Variants in PPP1R12A observed in about 807,000 individuals in gnomAD.
PPP1R12A encodes myosin binding subunit.
Under a neutral mutation model 139.6 loss-of-function variants are expected in PPP1R12A, and 19 were observed. The ratio of observed to expected loss-of-function variants is 0.14; its 90% CI spans 0.09 to 0.20. The LOEUF is 0.20. PPP1R12A is among the 10% of genes least tolerant of loss of function. The probability of loss-of-function intolerance (pLI) is 1.00; values close to 1 mark genes in which losing one functional copy is unlikely to be tolerated. For synonymous variants in PPP1R12A, 427 were observed against 420.6 expected, an observed-to-expected ratio of 1.02 and a Z score of -0.19; for missense variants, 925 against 1,211.5, an observed-to-expected ratio of 0.76 and a Z score of 3.51.
intron 1 of PPP1R12A, among the ~76,000 whole-genome samples, chr12:79,890,886 A>ACCAC (rs1275878680): frequency 1.7e-5 from 2 of 115,130 alleles, no homozygotes; most frequent in East Asian, 4.8e-4. Flanking sequence ...ATACACACAC[A>ACCAC]CCACCCACCC....
At chr12:79,777,345 C>A (rs1869861481) in intron 24 of PPP1R12A, 2 of 980,182 alleles carry the variant, frequency 2.0e-6, no homozygotes, top group African/African-American at 3.5e-5. Context: ...TCATCAATTG[C>A]AATATACAAT....
At chr12:79,903,278 C>T (rs1885807397) in intron 1 of PPP1R12A, among the ~76,000 whole-genome samples, 1 of 151,948 alleles carries the variant, frequency 6.6e-6, no homozygotes, top group African/African-American at 2.4e-5. Context: ...TTGTGAAACC[C>T]CATCTCTACT....
chr12:79,865,312 C>T (rs192181215), intron 2 of PPP1R12A, among the ~76,000 whole-genome samples: 88 of 152,246 alleles, frequency 5.8e-4, no homozygotes, highest in African/African-American at 1.7e-3. Flanking sequence ...ATCGATGGAA[C>T]GTATCTCAAA....
chr12:79,877,719 C>T (rs1163754443), intron 1 of PPP1R12A, among the ~76,000 whole-genome samples: 4 of 152,094 alleles, frequency 2.6e-5, no homozygotes, highest in African/African-American at 9.7e-5. Context: ...TTTCAACATG[C>T]TGGCCCGGCT....
chr12:79,924,522 G>A (rs1887683241), intron 1 of PPP1R12A, among the ~76,000 whole-genome samples: 1 of 152,034 alleles, frequency 6.6e-6, no homozygotes, highest in Admixed American at 6.6e-5. Context: ...CCAACCTCCT[G>A]GGCTCAAGCA....
In PPP1R12A at chr12:79,934,981, G is replaced by A. The variant is rs1381944068; in HGVS notation, c.-50C>T. ...TTATCGCGAGGGGGGGAAGGGGGAG[G>A]CGGAGAGGGAAGAGAGGGGAGGCAG... On this transcript the variant is annotated 5_prime_UTR_variant, in exon 1 of 25. Coordinates refer to ENST00000450142, the MANE Select transcript of PPP1R12A (RefSeq NM_002480.3). The A allele has an allele frequency of 2.6e-6, 4 of 1,530,452 alleles. No individual in the cohort carries two copies. The African/African-American group carries it at 4.1e-5, about 16-fold the overall frequency. The allele number at this position is 1,530,452 out of a possible 1,614,324, so 94.8% of individuals were successfully genotyped here.
chr12:79,857,912 A>G (rs1880873465), intron 2 of PPP1R12A, among the ~76,000 whole-genome samples: 1 of 152,214 alleles, frequency 6.6e-6, no homozygotes, highest in South Asian at 2.1e-4. Flanking sequence ...GAACATTCCC[A>G]TAAATTTCCA....
chr12:79,826,589 G>A (rs2137133043), intron 5 of PPP1R12A, among the ~76,000 whole-genome samples: 1 of 152,140 alleles, frequency 6.6e-6, no homozygotes, highest in Non-Finnish European at 1.5e-5. Context: ...GACATAAGGA[G>A]CTGCTACTAT....
rs2137139851 is a variant in PPP1R12A at position 79,828,322 on chromosome 12, C to T, written c.790G>A (p.Val264Met). The T allele has an allele frequency of 6.2e-7, 1 of 1,607,104 alleles. No homozygotes were observed. Among genetic ancestry groups the T allele is most frequent in the East Asian group, 2.2e-5 (1 of 44,738 alleles). Residue 264 changes from valine to methionine, a missense_variant and splice_region_variant, in exon 5 of 25, where the codon GTG (valine) becomes ATG (methionine). This residue lies in a region of PPP1R12A where 199 missense variants were observed against 352.4 expected (regional missense o/e 0.56). Coordinates refer to ENST00000450142, the MANE Select transcript of PPP1R12A (RefSeq NM_002480.3). ...TAAAATACGTTTAAAACGCCTACCA[C>T]TTTGTTGACCATCTCCATATCACAC... is the stretch of plus-strand genomic sequence containing the variant. ...NLCDMEMVNK[V>M]GQTAFDVADE...
chr12:79,890,950 C>A (rs1884580505), intron 1 of PPP1R12A, among the ~76,000 whole-genome samples: 1 of 136,184 alleles, frequency 7.3e-6, no homozygotes, highest in African/African-American at 2.5e-5. Flanking sequence ...CACATTCACT[C>A]ACTCTCTCTC....
chr12:79,801,754 C>G (rs964643455), intron 14 of PPP1R12A, among the ~76,000 whole-genome samples: 1 of 152,158 alleles, frequency 6.6e-6, no homozygotes, highest in Non-Finnish European at 1.5e-5. Flanking sequence ...ATTTCTCACG[C>G]AAGATCTTAG....
At chr12:79,903,395 G>A (rs1307886837) in intron 1 of PPP1R12A, among the ~76,000 whole-genome samples, 1 of 150,994 alleles carries the variant, frequency 6.6e-6, no homozygotes, top group Non-Finnish European at 1.5e-5. Context: ...ATGTTGCAGT[G>A]AGCTGAGATC....
At position 79,837,720 on chromosome 12, in the gene PPP1R12A, T is replaced by C. The variant is rs73138637; in HGVS notation, c.488-5229A>G. Among the ~76,000 whole-genome samples, 1,176 of 152,304 alleles carry C rather than the reference T, an allele frequency of 7.7e-3. 1 individual carries two copies. Among genetic ancestry groups the C allele is most frequent in the Non-Finnish European group, 0.013 (869 of 68,026 alleles). On this transcript the variant is annotated intron_variant, in intron 3 of 24. Transcript: ENST00000450142. ...AAGATCTTATGGTTTAAGAGGCTTT[T>C]TCCTCTTTGTTCAGCATGTCTCTCT...
chr12:79,814,696 A>G (rs1875088486), intron 9 of PPP1R12A, among the ~76,000 whole-genome samples: 1 of 146,056 alleles, frequency 6.8e-6, no homozygotes, highest in Non-Finnish European at 1.5e-5. Flanking sequence ...GGTGTCTGTA[A>G]TTCAGCTACT....
intron 1 of PPP1R12A, among the ~76,000 whole-genome samples, chr12:79,890,231 C>T (rs1320928263): frequency 6.6e-6 from 1 of 151,996 alleles, no homozygotes. Flanking sequence ...AAAATAAGCA[C>T]GGTTGAAAAA....
chr12:79,864,911 C>T (rs1881796160), intron 2 of PPP1R12A, among the ~76,000 whole-genome samples: 1 of 152,168 alleles, frequency 6.6e-6, no homozygotes, highest in South Asian at 2.1e-4. Context: ...TGGTACCATT[C>T]CTTCTGAAAC....
chr12:79,911,280 C>T (rs762441229), intron 1 of PPP1R12A, among the ~76,000 whole-genome samples: 6 of 152,196 alleles, frequency 3.9e-5, no homozygotes, highest in Non-Finnish European at 7.3e-5. Context: ...TTCTATCACT[C>T]GGCTTCAGCT....
At chr12:79,821,651 G>T (rs771915787) in intron 6 of PPP1R12A, among the ~76,000 whole-genome samples, 1 of 151,880 alleles carries the variant, frequency 6.6e-6, no homozygotes, top group East Asian at 1.9e-4. Context: ...TACTCAGGAG[G>T]CTGAGGCAGG....
chr12:79,808,642 G>T, intron 10 of PPP1R12A, 65 bp from the exon 11 acceptor site: 1 of 863,736 alleles, frequency 1.2e-6, no homozygotes, highest in Non-Finnish European at 1.9e-6. Flanking sequence ...AATGCTAAAA[G>T]TATTAAGAAA....
Sources: gnomAD v4.1 joint callset for allele counts (sites outside exome capture counted in the v4.1 genomes callset) on GRCh38, gnomAD v4.1.1 for gene constraint, gnomAD v4.1.1 regional missense constraint, MANE v1.5 for transcripts, NCBI Gene and HGNC (gene_info 2026-07-23, HGNC 2026-07-21) for gene names.